The following DYNC2I1 variants were observed in gnomAD, a reference collection of about 807,000 sequenced individuals.
The protein encoded by DYNC2I1 is cytoplasmic dynein 2 intermediate chain 1.
In DYNC2I1, 89 loss-of-function variants were observed where a neutral mutation model predicts 133.4. The observed-to-expected ratio is 0.67, with a 90% confidence interval of 0.56 to 0.80. The LOEUF is 0.80. Ranked by LOEUF, DYNC2I1 falls within the 30% of genes least tolerant of loss-of-function variation. The pLI is 0.00. For synonymous variants in DYNC2I1, 504 were observed against 484.3 expected, an observed-to-expected ratio of 1.04 and a Z score of -0.54; for missense variants, 1,291 against 1,314.5, an observed-to-expected ratio of 0.98 and a Z score of 0.28.
intron 4 of DYNC2I1, among the ~76,000 whole-genome samples, chr7:158,954,103 A>G: frequency 6.6e-6 from 1 of 152,058 alleles, no homozygotes; most frequent in Non-Finnish European, 1.5e-5. Context: ...TGGTTTTATT[A>G]AGGGCGGTTC....
At chr7:158,904,124 G>C (rs1846521623) in intron 10 of DYNC2I1, 1 of 152,390 alleles carries the variant, frequency 6.6e-6, no homozygotes, top group South Asian at 2.1e-4. Flanking sequence ...TGCTGACTCC[G>C]GGGTTTCAGA....
intron 8 of DYNC2I1, among the ~76,000 whole-genome samples, chr7:158,899,434 GGAAAA>G (rs1846035821): frequency 6.6e-6 from 1 of 152,066 alleles, no homozygotes; most frequent in African/African-American, 2.4e-5. Context: ...GATCAATTAA[GGAAAA>G]GAAAAGGAAG....
rs990834749 is a variant in DYNC2I1, at chr7:158,856,628, C to G, written c.-108C>G. ...CTGCTCCTGCTTGTCGGTTGCTAGGCGCTGGGACGCGCCTCCCGAAGGGTG... is the reference window on the plus strand; with the variant it reads ...CTGCTCCTGCTTGTCGGTTGCTAGGGGCTGGGACGCGCCTCCCGAAGGGTG... On this transcript the variant is annotated 5_prime_UTR_variant, in exon 1 of 25. Transcript: ENST00000407559. 3 of 1,142,924 alleles carry G rather than the reference C, an allele frequency of 2.6e-6. No individual in the cohort carries two copies. The highest frequency in any genetic ancestry group is 3.3e-6 in the Non-Finnish European group (3 of 907,132). 70.8% of individuals were successfully genotyped at this position (1,142,924 alleles called of 1,614,324 possible). A position where few individuals can be genotyped will look rare whatever the true frequency, so the allele number is the denominator to read the frequency against.
At chr7:158,948,004 C>T (rs1851940826), downstream of DYNC2I1, among the ~76,000 whole-genome samples, 1 of 152,178 alleles carries the variant, frequency 6.6e-6, no homozygotes, top group South Asian at 2.1e-4. Context: ...CCAAAAAGGC[C>T]AACGATCTGC....
chr7:158,937,350 G>A (rs1238667411), intron 23 of DYNC2I1, among the ~76,000 whole-genome samples: 1 of 152,214 alleles, frequency 6.6e-6, no homozygotes, highest in African/African-American at 2.4e-5. Flanking sequence ...ATCAATGCTG[G>A]GCGCGGTGGC....
intron 15 of DYNC2I1, among the ~76,000 whole-genome samples, chr7:158,920,904 GAC>G (rs1175205644): frequency 6.6e-6 from 1 of 152,124 alleles, no homozygotes; most frequent in African/African-American, 2.4e-5. Flanking sequence ...GCGGCAGAAT[GAC>G]ACAGCCAGCG....
At chr7:158,842,688 C>T in the DYNC2I1 span, among the ~76,000 whole-genome samples, 1 of 152,344 alleles carries the variant, frequency 6.6e-6, no homozygotes, top group Non-Finnish European at 1.5e-5. Context: ...GTCATAGTGA[C>T]GTGTCTGACA....
chr7:158,949,875 G>A (rs556343792), downstream of DYNC2I1, among the ~76,000 whole-genome samples: 155 of 151,968 alleles, frequency 1.0e-3, no homozygotes, highest in Non-Finnish European at 1.3e-3. Flanking sequence ...AGGTTCAAGC[G>A]ATTCTTCTGC....
chr7:158,930,160 T>C (rs758376094), intron 20 of DYNC2I1, among the ~76,000 whole-genome samples: 2 of 151,086 alleles, frequency 1.3e-5, no homozygotes, highest in African/African-American at 2.5e-5. Flanking sequence ...TACACATGTA[T>C]GGTTTGCTTA....
chr7:158,913,162 T>C lies in DYNC2I1; in HGVS notation c.1702+66T>C, dbSNP rs909719668. ...ACATTCTTTTTTGTTTTATTTTTAC[T>C]TATTCCCTTTCTGGTTCACTTTCAT... On this transcript the variant is annotated intron_variant, in intron 13 of 24. Transcript: ENST00000407559. The C allele has an allele frequency of 4.1e-6, 5 of 1,229,370 alleles. No individual in the cohort carries two copies. In the African/African-American group the frequency reaches 6.1e-5, roughly 15 times the overall value. The allele number at this position is 1,229,370 out of a possible 1,614,324, so 76.2% of individuals were successfully genotyped here. A position where few individuals can be genotyped will look rare whatever the true frequency, so the allele number is the denominator to read the frequency against.
chr7:158,877,015 A>G (rs1373239326), intron 4 of DYNC2I1, among the ~76,000 whole-genome samples: 5 of 152,250 alleles, frequency 3.3e-5, no homozygotes, highest in African/African-American at 1.2e-4. Flanking sequence ...ATATTTGTGT[A>G]TGTATAACAT....
downstream of DYNC2I1, among the ~76,000 whole-genome samples, chr7:158,948,067 C>G (rs1241248111): frequency 6.6e-6 from 1 of 152,230 alleles, no homozygotes; most frequent in Non-Finnish European, 1.5e-5. Flanking sequence ...GGGCCCCTCC[C>G]AGGTGCAGCC....
At chr7:158,878,771 GC>G (rs1843670554) in intron 4 of DYNC2I1, among the ~76,000 whole-genome samples, 1 of 126,378 alleles carries the variant, frequency 7.9e-6, no homozygotes, top group African/African-American at 3.0e-5. Flanking sequence ...AGGAGGGGAG[GC>G]CAGGAGGGCC....
At chr7:158,886,667 A>G (rs112598391) in intron 6 of DYNC2I1, among the ~76,000 whole-genome samples, 1 of 152,272 alleles carries the variant, frequency 6.6e-6, no homozygotes, top group Admixed American at 6.5e-5. Context: ...GCAGTGGCAC[A>G]ATCATGGCTC....
chr7:158,941,892 A>G (rs187075024), intron 23 of DYNC2I1, 33 bp from the exon 24 acceptor site: 492 of 1,561,246 alleles, frequency 3.2e-4, no homozygotes, highest in Non-Finnish European at 3.8e-4. Context: ...GAAAAAGGCC[A>G]TGCTCAGCAG....
chr7:158,920,789 G>A (rs1271385869), intron 15 of DYNC2I1, among the ~76,000 whole-genome samples: 1 of 152,206 alleles, frequency 6.6e-6, no homozygotes, highest in Admixed American at 6.5e-5. Context: ...GTCTCACCCT[G>A]CGAATCCAGA....
Position 158,879,674 on chromosome 7 carries a change from T to A in DYNC2I1, c.574-10T>A, listed in dbSNP as rs188181596. On this transcript the variant is annotated splice_polypyrimidine_tract_variant and intron_variant, in intron 4 of 24. Transcript: ENST00000407559. ...TGCTCCTGTGTTTCTCAGCTTGTCG[T>A]GTTTTACAGCTGCAGTACGGAGACA... 10 of 1,559,010 alleles carry A rather than the reference T, an allele frequency of 6.4e-6. No homozygotes were observed. In the Admixed American group the frequency reaches 2.1e-4, roughly 33 times the overall value.
At chr7:158,902,319 G>T in intron 9 of DYNC2I1, 57 bp from the exon 10 acceptor site, 1 of 1,436,922 alleles carries the variant, frequency 7.0e-7, no homozygotes, top group East Asian at 2.3e-5. Flanking sequence ...TCAGTATGAG[G>T]GATAATTGAA....
At chr7:158,881,745 G>A (rs554685071) in intron 5 of DYNC2I1, among the ~76,000 whole-genome samples, 6 of 152,178 alleles carry the variant, frequency 3.9e-5, no homozygotes, top group Admixed American at 2.6e-4. Flanking sequence ...GAGCTACCGC[G>A]CCCGGCCATT....
Sources: gnomAD v4.1 joint callset for allele counts (sites outside exome capture counted in the v4.1 genomes callset) on GRCh38, gnomAD v4.1.1 for gene constraint, MANE v1.5 for transcripts, NCBI Gene and HGNC (gene_info 2026-07-23, HGNC 2026-07-21) for gene names.